Variants in BTBD1 observed in about 807,000 individuals in gnomAD.
BTBD1 encodes the protein BTB/POZ domain-containing protein 1.
In BTBD1, 34 loss-of-function variants were observed where a neutral mutation model predicts 48.0. The ratio of observed to expected loss-of-function variants is 0.71; its 90% CI spans 0.54 to 0.94. BTBD1 has a LOEUF of 0.94. Ranked by LOEUF, BTBD1 falls within the 40% of genes least tolerant of loss-of-function variation. The probability of loss-of-function intolerance (pLI) is 0.00; values close to 1 mark genes in which losing one functional copy is unlikely to be tolerated. For synonymous variants in BTBD1, 261 were observed against 242.1 expected, an observed-to-expected ratio of 1.08 and a Z score of -0.72; for missense variants, 543 against 625.6, an observed-to-expected ratio of 0.87 and a Z score of 1.41.
intron 6 of BTBD1, chr15:83,020,417 AG>A (rs926934139): frequency 5.8e-6 from 2 of 347,678 alleles, no homozygotes; most frequent in African/African-American, 4.2e-5. Flanking sequence ...ACTGCACAGC[AG>A]GAAGTACTAA....
intron 2 of BTBD1, among the ~76,000 whole-genome samples, chr15:83,055,391 A>G (rs10152914): frequency 0.69 from 105,460 of 152,096 alleles, 38,071 homozygotes; most frequent in African/African-American, 0.9. Flanking sequence ...CCAAGTAGCC[A>G]GGGTTACAGG....
At chr15:83,037,497 T>A (rs906657118) in intron 4 of BTBD1, among the ~76,000 whole-genome samples, 7 of 152,204 alleles carry the variant, frequency 4.6e-5, no homozygotes, top group Admixed American at 6.5e-5. Context: ...CATCTCTTCA[T>A]GATAAAAGCC....
intron 3 of BTBD1, among the ~76,000 whole-genome samples, chr15:83,043,522 TATAGTGAAGAC>T (rs1567108691): frequency 4.6e-5 from 7 of 152,182 alleles, no homozygotes. Context: ...GAGAAGAGGC[TATAGTGAAGAC>T]AATATCAGTT....
intron 6 of BTBD1, chr15:83,020,344 A>G (rs2032269464): frequency 5.3e-6 from 1 of 187,552 alleles, no homozygotes; most frequent in African/African-American, 2.3e-5. Flanking sequence ...CACCAGTTAC[A>G]AGAAATTTAG....
chr15:83,019,573 A>G (rs1406871556), intron 6 of BTBD1, among the ~76,000 whole-genome samples: 2 of 149,866 alleles, frequency 1.3e-5, no homozygotes, highest in Non-Finnish European at 3.0e-5. Flanking sequence ...CAGTTTGTAC[A>G]CAAGAAGCCT....
At chr15:83,025,552 T>G (rs2032388698) in intron 5 of BTBD1, among the ~76,000 whole-genome samples, 1 of 151,988 alleles carries the variant, frequency 6.6e-6, no homozygotes, top group South Asian at 2.1e-4. Context: ...TTACTGGGTT[T>G]AATCCTACTA....
intron 5 of BTBD1, among the ~76,000 whole-genome samples, chr15:83,027,307 G>A (rs139893806): frequency 4.6e-5 from 7 of 152,316 alleles, no homozygotes; most frequent in South Asian, 2.1e-4. Flanking sequence ...AGCCGGGATC[G>A]CACCACTGCA....
intron 4 of BTBD1, among the ~76,000 whole-genome samples, chr15:83,036,787 T>A (rs2032638582): frequency 6.6e-6 from 1 of 152,194 alleles, no homozygotes; most frequent in South Asian, 2.1e-4. Flanking sequence ...AGGCGTAATG[T>A]TAAGAGAAAG....
At chr15:83,044,555 G>C in intron 3 of BTBD1, 1 of 1,595,184 alleles carries the variant, frequency 6.3e-7, no homozygotes, top group Non-Finnish European at 8.6e-7. Context: ...TGAAAACACA[G>C]TTTTCTTGTA....
chr15:83,055,377 C>T (rs915287618), intron 2 of BTBD1, among the ~76,000 whole-genome samples: 7 of 152,202 alleles, frequency 4.6e-5, no homozygotes, highest in Non-Finnish European at 1.0e-4. Context: ...CCTGCCTCAG[C>T]CTCCCAAGTA....
chr15:83,036,534 A>C (rs2032633903), intron 4 of BTBD1, among the ~76,000 whole-genome samples: 1 of 152,182 alleles, frequency 6.6e-6, no homozygotes, highest in Admixed American at 6.6e-5. Flanking sequence ...GGATCTACTA[A>C]AGCCGACCAT....
At chr15:83,054,923 T>C (rs1333089088) in intron 2 of BTBD1, among the ~76,000 whole-genome samples, 1 of 152,136 alleles carries the variant, frequency 6.6e-6, no homozygotes, top group African/African-American at 2.4e-5. Context: ...CTCTGGGCCA[T>C]GGCCCTACCT....
intron 4 of BTBD1, among the ~76,000 whole-genome samples, chr15:83,035,115 G>A (rs975336258): frequency 1.3e-5 from 2 of 152,036 alleles, no homozygotes; most frequent in African/African-American, 4.8e-5. Flanking sequence ...CCAACATGGT[G>A]AAACCCTGTC....
rs2032192135 is a variant in BTBD1, at chr15:83,017,456, C to G, written c.*611G>C. 1 of 152,654 alleles carries G rather than the reference C, an allele frequency of 6.6e-6. No homozygotes were observed. The highest frequency in any genetic ancestry group is 2.4e-5 in the African/African-American group (1 of 41,452). 9.5% of individuals were successfully genotyped at this position (152,654 alleles called of 1,614,324 possible). A position where few individuals can be genotyped will look rare whatever the true frequency, so the allele number is the denominator to read the frequency against. On this transcript the variant is annotated 3_prime_UTR_variant, in exon 8 of 8. Coordinates refer to ENST00000261721, the MANE Select transcript of BTBD1 (RefSeq NM_025238.4). The stretch of plus-strand genomic sequence containing the variant: ...CTGTACTACATAACACATTACTATA[C>G]TACTACAAAATATCCTTCTCTATAA...
At chr15:83,023,111 A>T (rs905434978) in intron 5 of BTBD1, among the ~76,000 whole-genome samples, 2 of 152,178 alleles carry the variant, frequency 1.3e-5, no homozygotes, top group Non-Finnish European at 2.9e-5. Context: ...TTACATTTCT[A>T]TGAACATATA....
chr15:83,062,220 T>C lies in BTBD1; in HGVS notation c.401+4531A>G, dbSNP rs149631501. 6.2e-3 allele frequency among the ~76,000 whole-genome samples: 942 copies of C among 152,312 alleles called. 11 individuals carry two copies. The highest frequency in any genetic ancestry group is 6.3e-3 in the Non-Finnish European group (428 of 68,030). ...CATTAAAAGATTCAGGGGAATTATA[T>C]GACCATATACCAATATTGGAGAGAT... is the stretch of plus-strand genomic sequence containing the variant. On this transcript the variant is annotated intron_variant, in intron 1 of 7. Coordinates refer to ENST00000261721, the MANE Select transcript of BTBD1 (RefSeq NM_025238.4).
At chr15:83,020,107 A>G (rs2032262322) in intron 6 of BTBD1, 2 of 152,094 alleles carry the variant, frequency 1.3e-5, no homozygotes, top group Non-Finnish European at 2.9e-5. Flanking sequence ...AGACAAAAAA[A>G]AAAAGAAAGA....
At chr15:83,064,650 T>A (rs1567114955) in intron 1 of BTBD1, among the ~76,000 whole-genome samples, 1 of 151,842 alleles carries the variant, frequency 6.6e-6, no homozygotes, top group Non-Finnish European at 1.5e-5. Context: ...GGGAGAGTGT[T>A]AAAAATGCTA....
intron 6 of BTBD1, among the ~76,000 whole-genome samples, chr15:83,019,589 CTTTT>C (rs1242041752): frequency 3.0e-5 from 4 of 132,970 alleles, no homozygotes; most frequent in Non-Finnish European, 6.4e-5. Context: ...AGCCTGGTGT[CTTTT>C]TTTTTTTTTT....
Sources: allele counts gnomAD v4.1 joint callset (sites outside exome capture counted in the v4.1 genomes callset), GRCh38; gene constraint gnomAD v4.1.1; transcripts MANE v1.5; gene names NCBI Gene and HGNC (gene_info 2026-07-23, HGNC 2026-07-21).